ARHGEF10L: variants seen among roughly 807,000 people sequenced by gnomAD.
ARHGEF10L encodes rho guanine nucleotide exchange factor 10-like protein.
In ARHGEF10L, 69 loss-of-function variants were observed where a neutral mutation model predicts 141.2. The ratio of observed to expected loss-of-function variants is 0.49; its 90% CI spans 0.40 to 0.60. The LOEUF is 0.60. ARHGEF10L is among the 20% of genes least tolerant of loss of function. ARHGEF10L has a pLI of 0.00. For missense variants in ARHGEF10L, 1,482 were observed against 1,734.3 expected (o/e 0.85, Z 2.58); for synonymous variants, 711 against 718.5 (o/e 0.99, Z 0.17).
At chr1:17,634,367 T>C in intron 16 of ARHGEF10L, 181 bp from the exon 17 acceptor site, 1 of 917,530 alleles carries the variant, frequency 1.1e-6, no homozygotes, top group Non-Finnish European at 1.7e-6. Flanking sequence ...GACCCAGAGA[T>C]GAAGGAAGGC....
intron 4 of ARHGEF10L, among the ~76,000 whole-genome samples, chr1:17,588,849 A>T (rs962385932): frequency 3.4e-4 from 7 of 20,434 alleles, no homozygotes; most frequent in East Asian, 1.4e-3. Context: ...GAGGGTCCCC[A>T]GTGTGTGTGT....
In ARHGEF10L at chr1:17,656,432, G is replaced by A; in HGVS notation, c.2706-122G>A. On this transcript the variant is annotated intron_variant, in intron 24 of 28. Coordinates refer to ENST00000361221, the MANE Select transcript of ARHGEF10L (RefSeq NM_018125.4). This position sits in a 1 kb window ranked among gnomAD's most constrained non-coding sequence, Gnocchi z 4.9. ...GGTGGAGCTATGGCCTGGCCACACA[G>A]CCGAAAGGCGTGGCTGAGAGGGGTC... 3.2e-6 allele frequency: 4 copies of A among 1,266,482 alleles called. No homozygotes were observed. The highest frequency in any genetic ancestry group is 4.4e-6 in the Non-Finnish European group (4 of 906,056). The allele number at this position is 1,266,482 out of a possible 1,614,324, so 78.5% of individuals were successfully genotyped here. A position where few individuals can be genotyped will look rare whatever the true frequency, so the allele number is the denominator to read the frequency against.
At chr1:17,685,195 C>A (rs557246754) in intron 26 of ARHGEF10L, among the ~76,000 whole-genome samples, 14 of 152,314 alleles carry the variant, frequency 9.2e-5, no homozygotes, top group African/African-American at 2.4e-4. Flanking sequence ...CCAGCCTTCC[C>A]CACACTGTTG....
chr1:17,610,490 T>C (rs1255161209), intron 7 of ARHGEF10L, among the ~76,000 whole-genome samples: 1 of 152,214 alleles, frequency 6.6e-6, no homozygotes, highest in Non-Finnish European at 1.5e-5. Context: ...ACCTGCTCGC[T>C]GATCAGCAGG....
chr1:17,612,792 C>T (rs894081902), intron 7 of ARHGEF10L, among the ~76,000 whole-genome samples: 22 of 152,222 alleles, frequency 1.4e-4, no homozygotes, highest in Non-Finnish European at 8.8e-5. Context: ...CCCGCCTCTC[C>T]GCCCCAGCAG....
chr1:17,606,940 T>G (rs931253884), intron 6 of ARHGEF10L, among the ~76,000 whole-genome samples: 2 of 152,204 alleles, frequency 1.3e-5, no homozygotes, highest in African/African-American at 4.8e-5. Context: ...CTCCAGACTC[T>G]TAGCTTTTTG....
At chr1:17,524,364 TACACACACACACACACACACACAC>T in the ARHGEF10L span, among the ~76,000 whole-genome samples, 379 of 116,070 alleles carry the variant, frequency 3.3e-3, 4 homozygotes, top group African/African-American at 0.012. Context: ...ACCCCGTCTC[TACACACACACACACACACACACAC>T]ACACACACAC....
intron 1 of ARHGEF10L, among the ~76,000 whole-genome samples, chr1:17,553,737 T>C (rs1207597808): frequency 6.6e-6 from 1 of 152,150 alleles, no homozygotes; most frequent in Non-Finnish European, 1.5e-5. Flanking sequence ...TGCAGTGAGC[T>C]ATGATGGCAC....
intron 1 of ARHGEF10L, among the ~76,000 whole-genome samples, chr1:17,575,575 G>A (rs115315865): frequency 0.015 from 2,345 of 152,364 alleles, 69 homozygotes; most frequent in African/African-American, 0.054. Flanking sequence ...GGCCAGGCCC[G>A]GAGCCGATGA....
At chr1:17,618,633 C>T (rs1231300675) in intron 9 of ARHGEF10L, 20 of 811,956 alleles carry the variant, frequency 2.5e-5, no homozygotes, top group African/African-American at 7.3e-5. Context: ...CCACAGCCAC[C>T]GCTGGAGTCA....
At position 17,603,623 on chromosome 1, in the gene ARHGEF10L, T is replaced by A; in HGVS notation, c.433+32T>A. On this transcript the variant is annotated intron_variant, in intron 6 of 28. Coordinates refer to ENST00000361221, the MANE Select transcript of ARHGEF10L (RefSeq NM_018125.4). This position sits in a 1 kb window ranked among gnomAD's most constrained non-coding sequence, Gnocchi z 4.8. ...TGTCTGCAGTGCTTCCCTGTTTCTC[T>A]TGGGGACAGGGGAGGGAGGCTGGGA... The A allele has an allele frequency of 1.3e-6, 2 of 1,566,184 alleles. No homozygotes were observed. Among genetic ancestry groups the A allele is most frequent in the Non-Finnish European group, 1.7e-6 (2 of 1,150,542 alleles).
chr1:17,612,912 T>C (rs775406808), intron 7 of ARHGEF10L, 146 bp from the exon 8 acceptor site: 32 of 637,666 alleles, frequency 5.0e-5, no homozygotes, highest in South Asian at 2.7e-4. Flanking sequence ...GCCTGGGACC[T>C]GGGGTGCCGC....
In ARHGEF10L at chr1:17,624,584, C is replaced by T. The variant is rs964211272; in HGVS notation, c.1317+81C>T. On this transcript the variant is annotated intron_variant, in intron 13 of 28. Transcript: ENST00000361221. ...GAGGAAGGGAGCATTTTGGCCCCAG[C>T]TTTGGGTATGACATCATAGCTTTGG... 1.8e-5 allele frequency: 21 copies of T among 1,148,956 alleles called. No homozygotes were observed. The Admixed American group carries it at 3.7e-4, about 20-fold the overall frequency. The allele number at this position is 1,148,956 out of a possible 1,614,324, so 71.2% of individuals were successfully genotyped here. A position where few individuals can be genotyped will look rare whatever the true frequency, so the allele number is the denominator to read the frequency against.
At chr1:17,624,318 C>T in intron 12 of ARHGEF10L, 69 bp from the exon 13 acceptor site, 2 of 1,311,156 alleles carry the variant, frequency 1.5e-6, no homozygotes, top group Admixed American at 1.7e-5. Context: ...CCCTGGCCCA[C>T]ACCTGCCTCG....
At position 17,623,083 on chromosome 1, in the gene ARHGEF10L, C is replaced by T. The variant is rs1386606713; in HGVS notation, c.1108C>T (p.Leu370=). ...QVVFFRVKEI[L]HCHSMFQIAL... is the part of the protein sequence containing the mutation. Reference sequence around the variant, plus strand: ...GGTGTTCTTCCGCGTGAAGGAGATCCTGCACTGCCACTCCATGTTCCAGAT... The same window carrying T: ...GGTGTTCTTCCGCGTGAAGGAGATCTTGCACTGCCACTCCATGTTCCAGAT... Residue 370 remains leucine, a synonymous_variant, in exon 12 of 29, where the codon CTG becomes TTG. Transcript: ENST00000361221. The surrounding 1 kb of genome is among the most constrained non-coding windows in gnomAD (Gnocchi z 4.7). 1.2e-6 allele frequency: 2 copies of T among 1,614,076 alleles called. No individual in the cohort carries two copies. Among genetic ancestry groups the T allele is most frequent in the East Asian group, 2.2e-5 (1 of 44,876 alleles).
At chr1:17,530,561 G>A in the ARHGEF10L span, among the ~76,000 whole-genome samples, 1 of 152,194 alleles carries the variant, frequency 6.6e-6, no homozygotes, top group Non-Finnish European at 1.5e-5. Flanking sequence ...GGATTGAGAA[G>A]GTGGGGATAG....
At chr1:17,647,554 C>G (rs1487214888) in intron 21 of ARHGEF10L, among the ~76,000 whole-genome samples, 1 of 152,118 alleles carries the variant, frequency 6.6e-6, no homozygotes, top group Non-Finnish European at 1.5e-5. Flanking sequence ...TCATTCTTTC[C>G]AGCCATGTTT....
intron 2 of ARHGEF10L, among the ~76,000 whole-genome samples, chr1:17,583,903 G>A (rs1170011666): frequency 6.6e-6 from 1 of 152,142 alleles, no homozygotes; most frequent in African/African-American, 2.4e-5. Context: ...CCAGGCTGGA[G>A]TACAATGGTG....
intron 16 of ARHGEF10L, 27 bp downstream of exon 16, chr1:17,632,493 A>T: frequency 6.2e-7 from 1 of 1,613,572 alleles, no homozygotes; most frequent in Non-Finnish European, 8.5e-7. Flanking sequence ...TGGAGGGGGC[A>T]ATCACCCCTC....
Sources: allele counts gnomAD v4.1 joint callset (sites outside exome capture counted in the v4.1 genomes callset), GRCh38; gene constraint gnomAD v4.1.1; non-coding constraint Gnocchi (gnomAD v3.1); transcripts MANE v1.5; gene names NCBI Gene and HGNC (gene_info 2026-07-23, HGNC 2026-07-21).